The following ERP44 variants were observed in gnomAD, a reference collection of about 807,000 sequenced individuals.
ERP44 encodes the protein endoplasmic reticulum protein 44.
In ERP44, 25 loss-of-function variants were observed where a neutral mutation model predicts 53.4. The ratio of observed to expected loss-of-function variants is 0.47; its 90% CI spans 0.34 to 0.65. ERP44 has a LOEUF of 0.65. Ranked by LOEUF, ERP44 falls within the 30% of genes least tolerant of loss-of-function variation. ERP44 has a pLI of 0.01. For synonymous variants in ERP44, 145 were observed against 161.2 expected (o/e 0.90, Z 0.76); for missense variants, 338 against 493.2 (o/e 0.69, Z 2.98).
chr9:100,067,763 C>T (rs1342683069), intron 1 of ERP44, among the ~76,000 whole-genome samples: 3 of 151,748 alleles, frequency 2.0e-5, no homozygotes, highest in Non-Finnish European at 2.9e-5. Context: ...TCTTCCCGGC[C>T]GCCATCCCAT....
chr9:100,071,508 T>A (rs1826304019), intron 1 of ERP44, among the ~76,000 whole-genome samples: 1 of 152,214 alleles, frequency 6.6e-6, no homozygotes, highest in Non-Finnish European at 1.5e-5. Flanking sequence ...TCCTAGTTTC[T>A]TATTCTTAAG....
At chr9:100,005,210 C>G (rs1482284537) in intron 10 of ERP44, among the ~76,000 whole-genome samples, 1 of 152,320 alleles carries the variant, frequency 6.6e-6, no homozygotes, top group East Asian at 1.9e-4. Flanking sequence ...GGATAAACTT[C>G]TACAAAACTT....
chr9:100,065,775 T>C (rs1469932870), intron 1 of ERP44, among the ~76,000 whole-genome samples: 1 of 152,230 alleles, frequency 6.6e-6, no homozygotes, highest in Non-Finnish European at 1.5e-5. Flanking sequence ...TTTGAGACTT[T>C]CAGGACTAGA....
At chr9:100,087,938 G>A (rs1360266550) in intron 1 of ERP44, among the ~76,000 whole-genome samples, 2 of 152,142 alleles carry the variant, frequency 1.3e-5, no homozygotes, top group East Asian at 3.9e-4. Context: ...CCATGAAAGT[G>A]TTATCACTTT....
intron 10 of ERP44, among the ~76,000 whole-genome samples, chr9:99,992,546 C>G (rs898673759): frequency 6.6e-6 from 1 of 152,056 alleles, no homozygotes; most frequent in Non-Finnish European, 1.5e-5. Context: ...TATGACAAAC[C>G]CACAGCCAAT....
At chr9:100,087,701 A>C (rs1826500560) in intron 1 of ERP44, among the ~76,000 whole-genome samples, 1 of 152,234 alleles carries the variant, frequency 6.6e-6, no homozygotes, top group African/African-American at 2.4e-5. Flanking sequence ...AAGTGGTAGA[A>C]TACATCTAAG....
chr9:100,079,370 C>T (rs1413784196), intron 1 of ERP44, among the ~76,000 whole-genome samples: 1 of 150,720 alleles, frequency 6.6e-6, no homozygotes, highest in Non-Finnish European at 1.5e-5. Context: ...TATTGTGGAA[C>T]CCTGTGATTG....
rs888473696 is a variant in ERP44 at position 100,069,611 on chromosome 9, A to G, written c.58-9439T>C. On this transcript the variant is annotated intron_variant, in intron 1 of 11. Transcript: ENST00000262455. ...ACTCCATCTCAAAATAGATATATTT[A>G]TTTCTAATAGTATGAATTACCCAGT... Among the ~76,000 whole-genome samples the G allele has an allele frequency of 2.4e-4, 37 of 152,252 alleles. 1 individual carries two copies. Among genetic ancestry groups the G allele is most frequent in the African/African-American group, 7.9e-4 (33 of 41,560 alleles).
intron 1 of ERP44, among the ~76,000 whole-genome samples, chr9:100,077,179 G>A (rs529139282): frequency 6.6e-6 from 1 of 152,318 alleles, no homozygotes; most frequent in African/African-American, 2.4e-5. Flanking sequence ...CAATGCTTCT[G>A]CCAAGACTAC....
At chr9:100,068,418 AGCCGCCCCG>A (rs1587980194) in intron 1 of ERP44, among the ~76,000 whole-genome samples, 1 of 84,160 alleles carries the variant, frequency 1.2e-5, no homozygotes, top group Non-Finnish European at 2.4e-5. Context: ...CCGCCGGGCC[AGCCGCCCCG>A]TCCGGGAGGT....
At chr9:100,096,177 A>T (rs540939983) in intron 1 of ERP44, among the ~76,000 whole-genome samples, 1 of 152,122 alleles carries the variant, frequency 6.6e-6, no homozygotes, top group South Asian at 2.1e-4. Context: ...GCATGAGACA[A>T]CTTCTTTCCA....
chr9:100,096,949 G>GCTAA (rs1475480123), intron 1 of ERP44, among the ~76,000 whole-genome samples: 4 of 152,252 alleles, frequency 2.6e-5, no homozygotes, highest in African/African-American at 9.6e-5. Context: ...ATAAATATTT[G>GCTAA]CTAACTAGCA....
chr9:100,091,898 AG>A (rs746884127), intron 1 of ERP44, among the ~76,000 whole-genome samples: 56 of 152,340 alleles, frequency 3.7e-4, no homozygotes, highest in Non-Finnish European at 7.1e-4. Context: ...TCTGAGTAGC[AG>A]GATCTATAAC....
At chr9:100,062,972 G>A (rs903926257) in intron 1 of ERP44, among the ~76,000 whole-genome samples, 2 of 150,394 alleles carry the variant, frequency 1.3e-5, no homozygotes, top group African/African-American at 4.9e-5. Flanking sequence ...TACTGGGGAG[G>A]CTGAGGCCAC....
chr9:100,016,224 C>A (rs1481253619), intron 8 of ERP44, 98 bp downstream of exon 8: 6 of 1,474,754 alleles, frequency 4.1e-6, no homozygotes, highest in South Asian at 1.5e-5. Context: ...ATGATTCTTA[C>A]AATTCATAAC....
At chr9:100,055,142 C>G (rs1157531460) in intron 3 of ERP44, among the ~76,000 whole-genome samples, 2 of 151,948 alleles carry the variant, frequency 1.3e-5, no homozygotes, top group Admixed American at 6.6e-5. Context: ...TAATACCTAC[C>G]TACAGAGTAG....
At chr9:100,075,002 G>C (rs1826340911) in intron 1 of ERP44, among the ~76,000 whole-genome samples, 1 of 152,172 alleles carries the variant, frequency 6.6e-6, no homozygotes, top group Non-Finnish European at 1.5e-5. Context: ...ATGATGGTGG[G>C]AAAAGCCAAA....
chr9:100,043,984 T>C (rs1418268), intron 4 of ERP44, among the ~76,000 whole-genome samples: 14,699 of 152,228 alleles, frequency 0.097, 1,462 homozygotes, highest in East Asian at 0.51. Context: ...TGTATTCAAA[T>C]ATTACTCTGT....
chr9:99,986,469 C>T (rs975170170), intron 10 of ERP44, among the ~76,000 whole-genome samples: 3 of 152,192 alleles, frequency 2.0e-5, no homozygotes, highest in East Asian at 3.9e-4. Flanking sequence ...CATTCTGTTA[C>T]AAGAATTAAA....
Sources: gnomAD v4.1 joint callset for allele counts (sites outside exome capture counted in the v4.1 genomes callset) on GRCh38, gnomAD v4.1.1 for gene constraint, MANE v1.5 for transcripts, NCBI Gene and HGNC (gene_info 2026-07-23, HGNC 2026-07-21) for gene names.